Variants in MATR3 observed in about 807,000 individuals in gnomAD.
MATR3 encodes the protein matrin-3.
MATR3 carries 4 observed loss-of-function variants against 85.5 expected under a neutral mutation model. The observed-to-expected ratio is 0.05, with a 90% confidence interval of 0.02 to 0.11. MATR3 has a LOEUF of 0.11. Among genes scored for constraint, MATR3 ranks in the 10% least tolerant of loss-of-function variants. The pLI, the probability that MATR3 is intolerant of heterozygous loss-of-function variation, is 1.00. For missense variants in MATR3, 685 were observed against 1,016.1 expected, an observed-to-expected ratio of 0.67 and a Z score of 4.43; for synonymous variants, 336 against 343.1, an observed-to-expected ratio of 0.98 and a Z score of 0.23.
intron 1 of MATR3, among the ~76,000 whole-genome samples, chr5:139,305,584 C>G (rs1162489097): frequency 1.3e-5 from 2 of 152,144 alleles, no homozygotes; most frequent in Non-Finnish European, 2.9e-5. Context: ...TACATAGCAT[C>G]TCAGCCGCCA....
intron 3 of MATR3, among the ~76,000 whole-genome samples, chr5:139,285,901 G>A (rs1270556873): frequency 6.6e-6 from 1 of 152,112 alleles, no homozygotes; most frequent in Non-Finnish European, 1.5e-5. Flanking sequence ...AAGCCTATGG[G>A]ACACCATCAG....
At chr5:139,314,636 CTTTA>C (rs761353528) in intron 2 of MATR3, 35 bp from the exon 3 acceptor site, 1 of 1,528,038 alleles carries the variant, frequency 6.5e-7, no homozygotes, top group South Asian at 1.1e-5. Context: ...AATATTTCAG[CTTTA>C]TTTTTGTTAA....
chr5:139,326,327 A>C, intron 14 of MATR3, 43 bp downstream of exon 14: 1 of 1,602,774 alleles, frequency 6.2e-7, no homozygotes, highest in Non-Finnish European at 8.5e-7. Context: ...AAACTTAACA[A>C]GTTATGGAAA....
chr5:139,320,118 C>T (rs1351249021), intron 9 of MATR3, among the ~76,000 whole-genome samples: 1 of 151,334 alleles, frequency 6.6e-6, no homozygotes, highest in African/African-American at 2.4e-5. Flanking sequence ...ATCATCCTGG[C>T]TAACACAGTG....
At chr5:139,295,973 G>A (rs1754127392) in intron 1 of MATR3, among the ~76,000 whole-genome samples, 1 of 152,020 alleles carries the variant, frequency 6.6e-6, no homozygotes, top group South Asian at 2.1e-4. Flanking sequence ...ACAGGCGCGC[G>A]CCACCACACC....
At chr5:139,283,890 C>T (rs1753618634) in intron 3 of MATR3, among the ~76,000 whole-genome samples, 1 of 152,162 alleles carries the variant, frequency 6.6e-6, no homozygotes, top group Non-Finnish European at 1.5e-5. Context: ...CTTCTCATTC[C>T]ATCTTGACAT....
At chr5:139,327,678 C>G (rs1223719953) in intron 14 of MATR3, among the ~76,000 whole-genome samples, 4 of 152,144 alleles carry the variant, frequency 2.6e-5, no homozygotes, top group African/African-American at 7.2e-5. Context: ...ACCTCAGCCT[C>G]CCAAAATGCT....
At chr5:139,315,969 GATT>G in intron 4 of MATR3, 104 bp from the exon 5 acceptor site, 1 of 894,746 alleles carries the variant, frequency 1.1e-6, no homozygotes, top group Non-Finnish European at 1.9e-6. Flanking sequence ...TACTCTGAAA[GATT>G]GAAGTGGTTG....
rs1561933725 is a variant in MATR3 at position 139,308,195 on chromosome 5, A to G, written c.780A>G (p.Leu260=). The G allele has an allele frequency of 1.2e-6, 2 of 1,614,170 alleles. No homozygotes were observed. The highest frequency in any genetic ancestry group is 1.7e-6 in the Non-Finnish European group (2 of 1,180,016). ...GAATGGGACGTGGTCCTGGCCCCTTACAAGAGAGATCTCTCTTTGAGAAAA... is the reference window on the plus strand; with the variant it reads ...GAATGGGACGTGGTCCTGGCCCCTTGCAAGAGAGATCTCTCTTTGAGAAAA... ...YERMGRGPGP[L]QERSLFEKKR... Residue 260 remains leucine (L), a synonymous_variant, in exon 2 of 15, where the codon TTA becomes TTG. Coordinates refer to ENST00000394805, the MANE Select transcript of MATR3 (RefSeq NM_018834.6).
chr5:139,286,884 T>C (rs1208016093), intron 3 of MATR3, among the ~76,000 whole-genome samples: 6 of 152,042 alleles, frequency 3.9e-5, no homozygotes, highest in South Asian at 4.1e-4. Context: ...AAATGTGTTA[T>C]CAACTGCTTA....
At chr5:139,285,957 A>T (rs1753687767) in intron 3 of MATR3, among the ~76,000 whole-genome samples, 1 of 152,210 alleles carries the variant, frequency 6.6e-6, no homozygotes, top group African/African-American at 2.4e-5. Context: ...GAGCAGAATA[A>T]AGGGCAGAAA....
chr5:139,327,291 G>A (rs1219188848), intron 14 of MATR3, among the ~76,000 whole-genome samples: 4 of 146,926 alleles, frequency 2.7e-5, no homozygotes, highest in African/African-American at 7.6e-5. Flanking sequence ...GTTCTTGGCT[G>A]TGTGTCACTT....
At chr5:139,297,493 T>G (rs563265743) in intron 1 of MATR3, among the ~76,000 whole-genome samples, 2 of 152,240 alleles carry the variant, frequency 1.3e-5, no homozygotes, top group African/African-American at 4.8e-5. Flanking sequence ...GTTTTAGATA[T>G]GTACCTTTAA....
intron 2 of MATR3, 91 bp downstream of exon 2, chr5:139,308,418 A>T: frequency 1.4e-6 from 2 of 1,459,548 alleles, no homozygotes; most frequent in Non-Finnish European, 1.9e-6. Flanking sequence ...GTCTGATGAC[A>T]TTGAGTTGAT....
chr5:139,291,750 G>A (rs1307977274), upstream of MATR3, among the ~76,000 whole-genome samples: 1 of 152,002 alleles, frequency 6.6e-6, no homozygotes, highest in Non-Finnish European at 1.5e-5. Flanking sequence ...TGTTGGTCAG[G>A]CTAGTCTCGA....
At chr5:139,277,406 G>A (rs1753326754) in intron 2 of MATR3, among the ~76,000 whole-genome samples, 3 of 152,144 alleles carry the variant, frequency 2.0e-5, no homozygotes, top group Admixed American at 2.0e-4. Flanking sequence ...TGGGGGGCAG[G>A]GGAGTTGTTT....
At chr5:139,316,933 G>T (rs1755277469) in intron 5 of MATR3, 120 bp from the exon 6 acceptor site, 8 of 768,974 alleles carry the variant, frequency 1.0e-5, no homozygotes, top group Non-Finnish European at 1.4e-5. Context: ...AAAAGTGATG[G>T]TAATCATATA....
At chr5:139,277,253 C>G (rs1268528716) in intron 2 of MATR3, among the ~76,000 whole-genome samples, 1 of 152,058 alleles carries the variant, frequency 6.6e-6, no homozygotes, top group East Asian at 1.9e-4. Flanking sequence ...CAAGTGATCT[C>G]CTGCCTCTCA....
At chr5:139,327,856 TTTTA>T (rs1254800376) in intron 14 of MATR3, among the ~76,000 whole-genome samples, 7 of 151,994 alleles carry the variant, frequency 4.6e-5, no homozygotes, top group African/African-American at 1.4e-4. Flanking sequence ...TTTCCTTATA[TTTTA>T]TTTATTTTTT....
Sources: gnomAD v4.1 joint callset for allele counts (sites outside exome capture counted in the v4.1 genomes callset) on GRCh38, gnomAD v4.1.1 for gene constraint, MANE v1.5 for transcripts, NCBI Gene and HGNC (gene_info 2026-07-23, HGNC 2026-07-21) for gene names.